ADAMTSL1: variants seen among roughly 807,000 people sequenced by gnomAD.
ADAMTSL1 encodes the protein ADAMTS like 1.
A neutral mutation model predicts 201.8 loss-of-function variants in ADAMTSL1; 126 were observed. That is an observed-to-expected ratio of 0.62 (90% confidence interval 0.54 to 0.72). ADAMTSL1 has a LOEUF of 0.72. ADAMTSL1 is among the 30% of genes least tolerant of loss of function. The pLI is 0.00. For synonymous variants in ADAMTSL1, 1,121 were observed against 903.4 expected (o/e 1.24, Z -4.32); for missense variants, 2,679 against 2,277.8 (o/e 1.18, Z -3.59).
intron 9 of ADAMTSL1, among the ~76,000 whole-genome samples, chr9:18,663,774 A>T (rs982199567): frequency 6.6e-6 from 1 of 152,282 alleles, no homozygotes; most frequent in South Asian, 2.1e-4. Context: ...GTGAAATAAA[A>T]GCATTTTGTT....
intron 1 of ADAMTSL1, among the ~76,000 whole-genome samples, chr9:18,058,295 G>C (rs1822286596): frequency 6.6e-6 from 1 of 152,152 alleles, no homozygotes; most frequent in South Asian, 2.1e-4. Flanking sequence ...CCAGATGCTA[G>C]AGAAATCTAT....
intron 27 of ADAMTSL1, 47 bp from the exon 28 acceptor site, chr9:18,906,645 C>T (rs1830324991): frequency 1.4e-6 from 2 of 1,448,404 alleles, no homozygotes; most frequent in Non-Finnish European, 1.8e-6. Flanking sequence ...TGCCCTGATT[C>T]AGCCCCCACA....
At chr9:18,520,223 C>G (rs1171699213) in intron 2 of ADAMTSL1, among the ~76,000 whole-genome samples, 1 of 152,198 alleles carries the variant, frequency 6.6e-6, no homozygotes, top group East Asian at 1.9e-4. Flanking sequence ...TGCAGAGGTG[C>G]TTTCCTTGGT....
intron 2 of ADAMTSL1, among the ~76,000 whole-genome samples, chr9:18,425,066 G>A (rs1296686756): frequency 6.6e-6 from 1 of 152,078 alleles, no homozygotes; most frequent in Non-Finnish European, 1.5e-5. Context: ...GGTGCTAAGA[G>A]GAGAGATAGG....
chr9:18,056,958 A>G (rs1822218299), intron 1 of ADAMTSL1, among the ~76,000 whole-genome samples: 1 of 152,188 alleles, frequency 6.6e-6, no homozygotes, highest in South Asian at 2.1e-4. Context: ...AAACCAGACA[A>G]ACCACTACTG....
chr9:18,861,580 T>C lies in ADAMTSL1; in HGVS notation c.4250-26251T>C, dbSNP rs1304100493. Among the ~76,000 whole-genome samples the C allele has an allele frequency of 1.7e-4, 26 of 152,210 alleles. 1 individual carries two copies. The highest frequency in any genetic ancestry group is 4.4e-5 in the Non-Finnish European group (3 of 68,022). On this transcript the variant is annotated intron_variant, in intron 23 of 28. Transcript: ENST00000380548. Reference sequence around the variant, plus strand: ...AACAAATCAATACTAGAAATGTAGGTTGCAAGACAAATAGCAGGCATTTGG... The same window carrying C: ...AACAAATCAATACTAGAAATGTAGGCTGCAAGACAAATAGCAGGCATTTGG...
chr9:17,934,892 C>T (rs1826940755), intron 1 of ADAMTSL1, among the ~76,000 whole-genome samples: 1 of 89,440 alleles, frequency 1.1e-5, no homozygotes, highest in Non-Finnish European at 2.2e-5. Context: ...TTTCTGCATC[C>T]TATTTCCTTT....
chr9:17,983,064 C>CTTTTTTTTTT lies in ADAMTSL1; in HGVS notation c.87+76145_87+76146insTTTTTTTTTT, dbSNP rs202085722. On this transcript the variant is annotated intron_variant, in intron 1 of 29. Transcript: ENST00000680146. The stretch of plus-strand genomic sequence containing the variant: ...TTTTCATTTTCTTTTTCTTTTCTTT[C>CTTTTTTTTTT]TTTCTTTCTTTCTTTTTTTTTTTTG... 6.4e-3 allele frequency among the ~76,000 whole-genome samples: 564 copies of CTTTTTTTTTT among 88,496 alleles called. 23 individuals are homozygous for CTTTTTTTTTT. The highest frequency in any genetic ancestry group is 0.01 in the East Asian group (29 of 2,850). 58.1% of individuals were successfully genotyped at this position (88,496 alleles called of 152,430 possible).
intron 21 of ADAMTSL1, among the ~76,000 whole-genome samples, chr9:18,824,436 G>A (rs1021888745): frequency 2.6e-5 from 4 of 152,162 alleles, no homozygotes; most frequent in African/African-American, 9.7e-5. Context: ...CAAGGCTGTG[G>A]TATCCAAGTC....
chr9:18,581,079 A>G (rs975324323), intron 4 of ADAMTSL1, among the ~76,000 whole-genome samples: 2 of 152,154 alleles, frequency 1.3e-5, no homozygotes, highest in African/African-American at 4.8e-5. Flanking sequence ...AAGTGTCATC[A>G]GAACCATGCT....
chr9:18,499,464 C>G (rs1332684676), intron 1 of ADAMTSL1, among the ~76,000 whole-genome samples: 1 of 152,160 alleles, frequency 6.6e-6, no homozygotes, highest in Non-Finnish European at 1.5e-5. Context: ...GTGGGTAGGG[C>G]AGCTAAAAAT....
chr9:18,741,065 G>T lies in ADAMTSL1; in HGVS notation c.2007-12233G>T, dbSNP rs140016001. 2.6e-3 allele frequency among the ~76,000 whole-genome samples: 388 copies of T among 152,126 alleles called. 1 individual carries two copies. Among genetic ancestry groups the T allele is most frequent in the Non-Finnish European group, 3.8e-3 (261 of 68,012 alleles). Reference sequence around the variant, plus strand: ...CTGTGCCCCAAGGAAATAGGGTAGAGGTCTGACTCATTTACTACTCTGTCT... The same window carrying T: ...CTGTGCCCCAAGGAAATAGGGTAGATGTCTGACTCATTTACTACTCTGTCT... On this transcript the variant is annotated intron_variant, in intron 15 of 28. Transcript: ENST00000380548.
intron 19 of ADAMTSL1, among the ~76,000 whole-genome samples, chr9:18,792,932 T>G (rs1822148589): frequency 6.6e-6 from 1 of 152,190 alleles, no homozygotes; most frequent in African/African-American, 2.4e-5. Flanking sequence ...AAGCAACTAA[T>G]GTTTGATGGA....
At chr9:18,480,249 G>A (rs940712183) in intron 1 of ADAMTSL1, among the ~76,000 whole-genome samples, 1 of 152,150 alleles carries the variant, frequency 6.6e-6, no homozygotes, top group East Asian at 1.9e-4. Flanking sequence ...GTATTTGCCA[G>A]CCTTCCCTGT....
intron 15 of ADAMTSL1, among the ~76,000 whole-genome samples, chr9:18,741,040 C>G (rs1383387501): frequency 6.6e-6 from 1 of 152,120 alleles, no homozygotes; most frequent in South Asian, 2.1e-4. Flanking sequence ...AGACTAGACT[C>G]TGTGCCCCAA....
At chr9:18,290,134 T>C (rs1354600525) in intron 2 of ADAMTSL1, among the ~76,000 whole-genome samples, 1 of 152,194 alleles carries the variant, frequency 6.6e-6, no homozygotes, top group African/African-American at 2.4e-5. Context: ...CAAGGATACA[T>C]ATCTTTTAAT....
chr9:18,646,861 G>C (rs1171279741), intron 7 of ADAMTSL1, among the ~76,000 whole-genome samples: 3 of 151,906 alleles, frequency 2.0e-5, no homozygotes, highest in Admixed American at 2.0e-4. Flanking sequence ...TTTTTTTGTT[G>C]TGTCTCTGCC....
intron 2 of ADAMTSL1, among the ~76,000 whole-genome samples, chr9:18,240,252 T>C (rs1043094190): frequency 6.6e-6 from 1 of 152,158 alleles, no homozygotes; most frequent in African/African-American, 2.4e-5. Context: ...TTAGCAGGCA[T>C]GGAAACAACT....
At chr9:17,973,643 T>C (rs1328283267) in intron 1 of ADAMTSL1, among the ~76,000 whole-genome samples, 2 of 111,872 alleles carry the variant, frequency 1.8e-5, no homozygotes, top group African/African-American at 6.0e-5. Flanking sequence ...GACTTGGCAA[T>C]GTGGGCTCTT....
Sources: allele counts gnomAD v4.1 joint callset (sites outside exome capture counted in the v4.1 genomes callset), GRCh38; gene constraint gnomAD v4.1.1; transcripts MANE v1.5; gene names NCBI Gene and HGNC (gene_info 2026-07-23, HGNC 2026-07-21).